PFKM: variants seen among roughly 807,000 people sequenced by gnomAD.
PFKM encodes phosphofructokinase, muscle.
A neutral mutation model predicts 95.5 loss-of-function variants in PFKM; 58 were observed. The ratio of observed to expected loss-of-function variants is 0.61; its 90% CI spans 0.49 to 0.76. PFKM has a LOEUF of 0.76. PFKM is among the 30% of genes least tolerant of loss of function. The pLI is 0.00. For missense variants in PFKM, 678 were observed against 1,005.4 expected, an observed-to-expected ratio of 0.67 and a Z score of 4.40; for synonymous variants, 336 against 357.2, an observed-to-expected ratio of 0.94 and a Z score of 0.67.
intron 2 of PFKM, among the ~76,000 whole-genome samples, chr12:48,126,094 A>G (rs1948807373): frequency 6.6e-6 from 1 of 151,508 alleles, no homozygotes; most frequent in Non-Finnish European, 1.5e-5. Context: ...GTTCTCCAGA[A>G]CCCCTCCTGA....
At chr12:48,133,253 T>TCTC (rs1343242976) in intron 5 of PFKM, 62 bp from the exon 6 acceptor site, 2 of 1,437,794 alleles carry the variant, frequency 1.4e-6, no homozygotes, top group Non-Finnish European at 2.0e-6. Context: ...TCTCTAGATA[T>TCTC]CTCCTCTTTA....
intron 3 of PFKM, among the ~76,000 whole-genome samples, chr12:48,108,887 C>G (rs1437795772): frequency 1.3e-5 from 2 of 152,122 alleles, no homozygotes; most frequent in Admixed American, 6.6e-5. Context: ...AATGCCTTAG[C>G]GATTATTTAC....
intron 2 of PFKM, among the ~76,000 whole-genome samples, chr12:48,126,001 GA>G (rs1470890940): frequency 1.3e-5 from 2 of 152,010 alleles, no homozygotes; most frequent in African/African-American, 4.8e-5. Context: ...TAGTCTCATA[GA>G]GACCCATTAC....
At chr12:48,125,767 T>C (rs996233964) in intron 2 of PFKM, among the ~76,000 whole-genome samples, 2 of 152,156 alleles carry the variant, frequency 1.3e-5, no homozygotes, top group African/African-American at 2.4e-5. Flanking sequence ...GCCTTTTCTA[T>C]TTTTAAAGGT....
chr12:48,137,988 G>C, intron 11 of PFKM, 142 bp downstream of exon 11: 1 of 876,764 alleles, frequency 1.1e-6, no homozygotes, highest in Non-Finnish European at 1.9e-6. Context: ...TGTGGGGAAA[G>C]AACACAGTGG....
rs778761447 is a variant in PFKM at position 48,129,210 on chromosome 12, C to CTTTTTT, written c.86-1125_86-1120dup. 3.9e-3 allele frequency among the ~76,000 whole-genome samples: 85 copies of CTTTTTT among 22,002 alleles called. 8 individuals carry two copies. Among genetic ancestry groups the CTTTTTT allele is most frequent in the Middle Eastern group, 0.042 (1 of 24 alleles). The allele number at this position is 22,002 out of a possible 152,430, so 14.4% of individuals were successfully genotyped here. ...GTTCTGTTTTGTTTTAATTTTCTTT[C>CTTTTTT]TTTTTTTTTTTTTTTTTTTTTTTTT... On this transcript the variant is annotated intron_variant, in intron 2 of 22. Transcript: ENST00000359794.
At chr12:48,130,221 A>T in intron 2 of PFKM, 142 bp from the exon 3 acceptor site, 1 of 741,900 alleles carries the variant, frequency 1.3e-6, no homozygotes, top group Non-Finnish European at 2.5e-6. Context: ...GAAGACTTTG[A>T]TGAGAGGATT....
rs1230161336 is a variant in PFKM at position 48,133,465 on chromosome 12, C to G, written c.578C>G (p.Thr193Ser). The G allele has an allele frequency of 6.2e-7, 1 of 1,614,102 alleles. No individual in the cohort carries two copies. Among genetic ancestry groups the G allele is most frequent in the Non-Finnish European group, 8.5e-7 (1 of 1,179,942 alleles). Reference protein sequence around the residue: ...HRIMEIVDAITTTAQSHQRTF... With the variant: ...HRIMEIVDAISTTAQSHQRTF... The stretch of plus-strand genomic sequence containing the variant: ...ATCATGGAAATTGTAGATGCCATCA[C>G]TACCACTGCCCAGAGGTAAGGGGAC... Residue 193 changes from threonine (T) to serine (S), a missense_variant, in exon 6 of 23, where the codon ACT (threonine) becomes AGT (serine). Physicochemically the swap from Thr to Ser is moderately conservative, Grantham distance 58. Transcript: ENST00000359794.
At chr12:48,114,794 G>A (rs768912285), upstream of PFKM, among the ~76,000 whole-genome samples, 1 of 152,158 alleles carries the variant, frequency 6.6e-6, no homozygotes, top group Non-Finnish European at 1.5e-5. Flanking sequence ...AGGTCTCGTA[G>A]GATGGAGAAA....
chr12:48,108,467 T>A (rs1028733680), intron 3 of PFKM, among the ~76,000 whole-genome samples: 2 of 152,178 alleles, frequency 1.3e-5, no homozygotes, highest in African/African-American at 4.8e-5. Context: ...AATAACTTAA[T>A]TTGGTCAATA....
intron 3 of PFKM, among the ~76,000 whole-genome samples, chr12:48,112,104 C>A (rs143167194): frequency 1.3e-5 from 2 of 152,108 alleles, no homozygotes; most frequent in Admixed American, 6.5e-5. Context: ...TCCGACTGCA[C>A]GGCCCTGCAC....
intron 1 of PFKM, chr12:48,106,172 A>G (rs900224966): frequency 2.9e-6 from 2 of 700,652 alleles, no homozygotes; most frequent in Admixed American, 2.0e-5. Context: ...GCAGGAGGTC[A>G]AAGAACAGAG....
upstream of PFKM, chr12:48,105,537 G>C (rs147308100): frequency 9.4e-5 from 48 of 511,710 alleles, no homozygotes; most frequent in East Asian, 2.2e-3. Flanking sequence ...CAGAGTAGGA[G>C]AGTTGGAGAA....
chr12:48,138,631 A>G (rs1406703928), intron 11 of PFKM, among the ~76,000 whole-genome samples: 1 of 152,210 alleles, frequency 6.6e-6, no homozygotes, highest in Non-Finnish European at 1.5e-5. Context: ...AGTCCTTCCT[A>G]ACTGGGTTAC....
intron 2 of PFKM, chr12:48,107,943 A>G (rs1946844297): frequency 1.2e-6 from 1 of 849,244 alleles, no homozygotes; most frequent in Non-Finnish European, 1.8e-6. Context: ...TCGCGTCTCT[A>G]ATTTTTCACT....
intron 3 of PFKM, chr12:48,108,261 A>G: frequency 6.7e-7 from 1 of 1,488,990 alleles, no homozygotes; most frequent in Non-Finnish European, 9.1e-7. Flanking sequence ...TTGTATGCAT[A>G]GTATTATAAA....
chr12:48,132,253 C>T (rs1949578425), intron 4 of PFKM: 1 of 351,088 alleles, frequency 2.8e-6, no homozygotes, highest in Admixed American at 4.0e-5. Flanking sequence ...CTTAATTTCC[C>T]AGGGACTTAT....
intron 3 of PFKM, among the ~76,000 whole-genome samples, chr12:48,112,425 A>T (rs955464203): frequency 1.3e-5 from 2 of 152,106 alleles, no homozygotes; most frequent in African/African-American, 4.8e-5. Context: ...AATTATGTTG[A>T]GATAGGTAAT....
chr12:48,122,829 G>C lies in PFKM; in HGVS notation c.55G>C (p.Ala19Pro). Residue 19 changes from alanine to proline, a missense_variant, in exon 2 of 23, where the codon GCT becomes CCT. Transcript: ENST00000359794. Reference protein sequence around the residue: ...AKTLGIGKAIAVLTSGGDAQG... With the variant: ...AKTLGIGKAIPVLTSGGDAQG... Reference sequence around the variant, plus strand: ...AACCCTGGGGATTGGCAAAGCCATTGCTGTCTTAACCTCTGGTGGAGATGC... The same window carrying C: ...AACCCTGGGGATTGGCAAAGCCATTCCTGTCTTAACCTCTGGTGGAGATGC... The C allele has an allele frequency of 6.2e-7, 1 of 1,614,132 alleles. No individual in the cohort carries two copies. The highest frequency in any genetic ancestry group is 8.5e-7 in the Non-Finnish European group (1 of 1,179,968).
Sources: allele counts gnomAD v4.1 joint callset (sites outside exome capture counted in the v4.1 genomes callset), GRCh38; gene constraint gnomAD v4.1.1; transcripts MANE v1.5; gene names NCBI Gene and HGNC (gene_info 2026-07-23, HGNC 2026-07-21).